The following CCDC201 variants were observed in gnomAD, a reference collection of about 807,000 sequenced individuals.
The protein encoded by CCDC201 is coiled-coil domain containing 201, also known as coiled-coil domain-containing protein 201.
exon 3 of CCDC201, chr7:45,861,210 G>A (rs1226431409): frequency 6.6e-5 from 10 of 152,196 alleles, no homozygotes; most frequent in Admixed American, 6.5e-4. Flanking sequence ...ATTTTTAATA[G>A]TAAAGACTGG....
At chr7:45,873,765 C>T (rs369045936), upstream of CCDC201, among the ~76,000 whole-genome samples, 39 of 152,290 alleles carry the variant, frequency 2.6e-4, 2 homozygotes, top group South Asian at 6.8e-3. Flanking sequence ...CATGCCTTAA[C>T]TTTTTTGGGG....
the CCDC201 span, among the ~76,000 whole-genome samples, chr7:45,883,606 G>A: frequency 6.6e-6 from 1 of 152,114 alleles, no homozygotes; most frequent in Admixed American, 6.5e-5. Flanking sequence ...AGTCCGAGGG[G>A]CCTTGAGCTA....
chr7:45,864,999 C>A (rs1315071635), intron 2 of CCDC201, among the ~76,000 whole-genome samples: 2 of 152,008 alleles, frequency 1.3e-5, no homozygotes, highest in Non-Finnish European at 2.9e-5. Context: ...AAACTCAGCA[C>A]CACCAAGAAC....
intron 1 of CCDC201, among the ~76,000 whole-genome samples, chr7:45,870,631 C>T (rs1486577953): frequency 1.3e-5 from 2 of 152,148 alleles, no homozygotes; most frequent in African/African-American, 4.8e-5. Flanking sequence ...AAATGCATAG[C>T]TGTTATGATT....
chr7:45,863,563 C>T (rs114872956), intron 2 of CCDC201, among the ~76,000 whole-genome samples: 1,869 of 152,210 alleles, frequency 0.012, 41 homozygotes, highest in African/African-American at 0.042. Flanking sequence ...CTCTAGAACC[C>T]CCTCTTCTAG....
At chr7:45,874,644 C>T (rs1250491029), upstream of CCDC201, among the ~76,000 whole-genome samples, 1 of 152,182 alleles carries the variant, frequency 6.6e-6, no homozygotes, top group Admixed American at 6.5e-5. Flanking sequence ...GGTTGAGATC[C>T]CTGAATCCTG....
At chr7:45,871,604 T>C (rs1453581383) in intron 1 of CCDC201, among the ~76,000 whole-genome samples, 1 of 152,088 alleles carries the variant, frequency 6.6e-6, no homozygotes, top group Non-Finnish European at 1.5e-5. Context: ...TAAAAACTTC[T>C]ACAATAAAAA....
chr7:45,871,909 A>T (rs1786747224), intron 1 of CCDC201, among the ~76,000 whole-genome samples: 1 of 152,236 alleles, frequency 6.6e-6, no homozygotes, highest in Non-Finnish European at 1.5e-5. Context: ...GGAAACTGGA[A>T]CACCTTCTAT....
chr7:45,871,464 T>G (rs1305504127), intron 1 of CCDC201, among the ~76,000 whole-genome samples: 1 of 152,156 alleles, frequency 6.6e-6, no homozygotes, highest in African/African-American at 2.4e-5. Context: ...GATTAAAGAC[T>G]TACATGTAGA....
At chr7:45,870,215 A>G (rs1297209942) in intron 1 of CCDC201, among the ~76,000 whole-genome samples, 1 of 152,238 alleles carries the variant, frequency 6.6e-6, no homozygotes, top group African/African-American at 2.4e-5. Context: ...CACAAGCAGC[A>G]TCTTACTTGC....
upstream of CCDC201, among the ~76,000 whole-genome samples, chr7:45,877,227 T>C (rs1420411590): frequency 1.3e-5 from 2 of 152,218 alleles, no homozygotes; most frequent in Non-Finnish European, 2.9e-5. Context: ...ATTTTCCACC[T>C]GCATTTCCCT....
upstream of CCDC201, among the ~76,000 whole-genome samples, chr7:45,876,552 G>A (rs898658499): frequency 1.3e-5 from 2 of 152,158 alleles, no homozygotes; most frequent in Non-Finnish European, 2.9e-5. Context: ...CTCTAGGGTT[G>A]CCCTGACCTC....
chr7:45,877,488 G>A (rs753442207), upstream of CCDC201, among the ~76,000 whole-genome samples: 1 of 152,184 alleles, frequency 6.6e-6, no homozygotes, highest in Non-Finnish European at 1.5e-5. Flanking sequence ...ATCAGCTCAC[G>A]TTTCTGAAAG....
chr7:45,868,081 C>T (rs982223179), intron 1 of CCDC201, among the ~76,000 whole-genome samples: 2 of 152,272 alleles, frequency 1.3e-5, no homozygotes, highest in African/African-American at 4.8e-5. Flanking sequence ...TTGGGAGCAG[C>T]CTCTCTGGGA....
upstream of CCDC201, among the ~76,000 whole-genome samples, chr7:45,877,086 G>C (rs146640994): frequency 1.3e-5 from 2 of 152,200 alleles, no homozygotes; most frequent in African/African-American, 4.8e-5. Flanking sequence ...AGCCCTGGAC[G>C]ATGAGAGCCC....
At chr7:45,882,852 G>A in the CCDC201 span, among the ~76,000 whole-genome samples, 1 of 152,194 alleles carries the variant, frequency 6.6e-6, no homozygotes, top group Non-Finnish European at 1.5e-5. Flanking sequence ...AGCACTGAAA[G>A]CTTTCCACAC....
exon 3 of CCDC201, chr7:45,862,039 A>C (rs1786608663): frequency 6.6e-6 from 1 of 152,268 alleles, no homozygotes; most frequent in East Asian, 1.9e-4. Context: ...TCTTCCTTAC[A>C]ATATGTATTA....
chr7:45,869,923 T>G (rs1412098521), intron 1 of CCDC201, among the ~76,000 whole-genome samples: 1 of 151,860 alleles, frequency 6.6e-6, no homozygotes, highest in Non-Finnish European at 1.5e-5. Flanking sequence ...ATTCAAGCGA[T>G]TCTCCTGCCC....
At chr7:45,878,435 C>T in the CCDC201 span, among the ~76,000 whole-genome samples, 1 of 152,272 alleles carries the variant, frequency 6.6e-6, no homozygotes, top group East Asian at 1.9e-4. Flanking sequence ...GACATCCAGA[C>T]ATTTCCATAC....
Sources: allele counts gnomAD v4.1 joint callset (sites outside exome capture counted in the v4.1 genomes callset), GRCh38; gene constraint gnomAD v4.1.1; transcripts MANE v1.5; gene names NCBI Gene and HGNC (gene_info 2026-07-23, HGNC 2026-07-21).